Variants in ME1 observed in about 807,000 individuals in gnomAD.
ME1 encodes NADP-dependent malic enzyme.
A neutral mutation model predicts 66.4 loss-of-function variants in ME1; 74 were observed. The ratio of observed to expected loss-of-function variants is 1.11; its 90% confidence interval spans 0.92 to 1.35. The LOEUF is 1.35. Ranked by LOEUF, ME1 falls within the 40% of genes most tolerant of loss-of-function variation. The probability of loss-of-function intolerance (pLI) is 0.00; values close to 1 mark genes in which losing one functional copy is unlikely to be tolerated. For missense variants in ME1, 750 were observed against 694.1 expected (o/e 1.08, Z -0.90); for synonymous variants, 251 against 235.6 (o/e 1.07, Z -0.60).
At chr6:83,247,928 T>C (rs1237174411) in intron 7 of ME1, among the ~76,000 whole-genome samples, 1 of 152,240 alleles carries the variant, frequency 6.6e-6, no homozygotes, top group Non-Finnish European at 1.5e-5. Context: ...GTGCAGATTA[T>C]ATTTTAGGCC....
rs530964275 is a variant in ME1, at chr6:83,213,605, G to A, written c.1549-1511C>T. ...TGGTCTCAAACTCCTGACCTGAGGT[G>A]ATCCACCTGCCTTGGCCTCCCGAAG... On this transcript the variant is annotated intron_variant, in intron 13 of 13. Coordinates refer to ENST00000369705, the MANE Select transcript of ME1 (RefSeq NM_002395.6). Among the ~76,000 whole-genome samples, 310 of 152,190 alleles carry A rather than the reference G, an allele frequency of 2.0e-3. 2 individuals carry two copies. The highest frequency in any genetic ancestry group is 6.4e-3 in the African/African-American group (264 of 41,554).
intron 6 of ME1, among the ~76,000 whole-genome samples, chr6:83,295,696 G>C (rs1767584504): frequency 6.6e-6 from 1 of 151,970 alleles, no homozygotes; most frequent in Non-Finnish European, 1.5e-5. Flanking sequence ...AAGGAGATAA[G>C]ACATGAAAAA....
intron 2 of ME1, among the ~76,000 whole-genome samples, chr6:83,407,430 T>C (rs901856856): frequency 2.6e-5 from 4 of 152,222 alleles, no homozygotes; most frequent in Non-Finnish European, 4.4e-5. Flanking sequence ...GCTAGAAAAG[T>C]GTGCTTTCAA....
At chr6:83,404,214 G>T (rs1170349089) in intron 2 of ME1, among the ~76,000 whole-genome samples, 1 of 152,018 alleles carries the variant, frequency 6.6e-6, no homozygotes, top group East Asian at 1.9e-4. Flanking sequence ...GGTGTCAGAT[G>T]GTATTTCATT....
At chr6:83,300,012 A>G (rs747541853) in intron 6 of ME1, among the ~76,000 whole-genome samples, 2 of 152,046 alleles carry the variant, frequency 1.3e-5, no homozygotes, top group Non-Finnish European at 2.9e-5. Flanking sequence ...CCAATATTTT[A>G]TCAAGGATTT....
At chr6:83,335,303 T>C (rs199595258) in intron 5 of ME1, among the ~76,000 whole-genome samples, 6 of 318 alleles carry the variant, frequency 0.019, 1 homozygote, top group African/African-American at 0.12. Flanking sequence ...CTCCAAGAAA[T>C]ATGGGACTAT....
chr6:83,260,104 T>C (rs1376168950), intron 6 of ME1, among the ~76,000 whole-genome samples: 1 of 152,048 alleles, frequency 6.6e-6, no homozygotes, highest in Non-Finnish European at 1.5e-5. Flanking sequence ...TTTCCAACCA[T>C]TTTTATTTAG....
intron 5 of ME1, among the ~76,000 whole-genome samples, chr6:83,326,656 A>G (rs1035606758): frequency 4.6e-5 from 7 of 152,232 alleles, no homozygotes; most frequent in African/African-American, 1.7e-4. Flanking sequence ...TGGTCATTAG[A>G]GAAATGCCAA....
At chr6:83,275,690 C>A (rs1224683751) in intron 6 of ME1, among the ~76,000 whole-genome samples, 2 of 146,880 alleles carry the variant, frequency 1.4e-5, no homozygotes, top group Non-Finnish European at 3.0e-5. Context: ...TGGTCTCGAT[C>A]TCCTGACCTC....
chr6:83,374,456 TTTTCTTGTAAATTTAAG>T (rs1769250060), intron 3 of ME1, among the ~76,000 whole-genome samples: 1 of 152,218 alleles, frequency 6.6e-6, no homozygotes, highest in African/African-American at 2.4e-5. Context: ...TTGTTTGTTT[TTTTCTTGTAAATTTAAG>T]TTTCTTGTAA....
chr6:83,398,037 G>A (rs570498282), intron 3 of ME1, among the ~76,000 whole-genome samples: 16 of 152,268 alleles, frequency 1.1e-4, no homozygotes, highest in South Asian at 8.3e-4. Context: ...CAAAATTTCA[G>A]TTAAACAGGA....
intron 6 of ME1, among the ~76,000 whole-genome samples, chr6:83,288,875 C>T (rs1446637764): frequency 6.6e-6 from 1 of 152,092 alleles, no homozygotes; most frequent in East Asian, 1.9e-4. Flanking sequence ...CTTCACGTCC[C>T]TTGTAAGTTG....
intron 2 of ME1, among the ~76,000 whole-genome samples, chr6:83,399,000 T>G (rs1562003189): frequency 6.6e-6 from 1 of 152,008 alleles, no homozygotes; most frequent in Non-Finnish European, 1.5e-5. Flanking sequence ...TATTTATTTA[T>G]TTATTTATTT....
chr6:83,277,482 G>A (rs568431684), intron 6 of ME1, among the ~76,000 whole-genome samples: 2 of 152,314 alleles, frequency 1.3e-5, no homozygotes, highest in South Asian at 2.1e-4. Flanking sequence ...CAAGGAAGAC[G>A]AGACTCAGGA....
chr6:83,411,172 T>A (rs956616053), intron 1 of ME1, among the ~76,000 whole-genome samples: 1 of 151,884 alleles, frequency 6.6e-6, no homozygotes, highest in East Asian at 1.9e-4. Context: ...GAGACCAGCC[T>A]GGCCAATATG....
rs1233254736 is a variant in ME1, at chr6:83,398,307, T to TA, written c.362+59dup. 9 of 1,225,400 alleles carry TA rather than the reference T, an allele frequency of 7.3e-6. No individual in the cohort carries two copies. In the African/African-American group the frequency reaches 1.1e-4, roughly 15 times the overall value. 75.9% of individuals were successfully genotyped at this position (1,225,400 alleles called of 1,614,324 possible). On this transcript the variant is annotated intron_variant, in intron 3 of 13. Coordinates refer to ENST00000369705, the MANE Select transcript of ME1 (RefSeq NM_002395.6). ...TAATAATAATAAATTTTAAATTCGTTAAAAAACTTACAAAAATAAATAAAG... is the reference window on the plus strand; with the variant it reads ...TAATAATAATAAATTTTAAATTCGTTAAAAAAACTTACAAAAATAAATAAAG...
intron 6 of ME1, among the ~76,000 whole-genome samples, chr6:83,273,003 C>T (rs1218559206): frequency 1.3e-5 from 2 of 151,560 alleles, no homozygotes; most frequent in Admixed American, 6.6e-5. Context: ...GGTGAAACCT[C>T]GTCTCTACTA....
chr6:83,287,847 T>C (rs145417379), intron 6 of ME1, among the ~76,000 whole-genome samples: 1 of 152,326 alleles, frequency 6.6e-6, no homozygotes, highest in African/African-American at 2.4e-5. Context: ...ATTGCCTTTC[T>C]AACTGGAGTG....
intron 3 of ME1, among the ~76,000 whole-genome samples, chr6:83,369,079 A>G (rs1046912273): frequency 1.3e-5 from 2 of 152,146 alleles, no homozygotes; most frequent in East Asian, 3.9e-4. Flanking sequence ...TAAAATAAAA[A>G]TAGATATATA....
Sources: gnomAD v4.1 joint callset for allele counts (sites outside exome capture counted in the v4.1 genomes callset) on GRCh38, gnomAD v4.1.1 for gene constraint, MANE v1.5 for transcripts, NCBI Gene and HGNC (gene_info 2026-07-23, HGNC 2026-07-21) for gene names.